AOAH: variants seen among roughly 807,000 people sequenced by gnomAD.
AOAH encodes acyloxyacyl hydrolase.
AOAH carries 64 observed loss-of-function variants against 92.2 expected under a neutral mutation model. The ratio of observed to expected loss-of-function variants is 0.69; its 90% CI spans 0.57 to 0.86. AOAH has a LOEUF of 0.86. Among genes scored for constraint, AOAH ranks in the 40% least tolerant of loss-of-function variants. The pLI, the probability that AOAH is intolerant of heterozygous loss-of-function variation, is 0.00. For missense variants in AOAH, 656 were observed against 694.6 expected (o/e 0.94, Z 0.62); for synonymous variants, 263 against 254.5 (o/e 1.03, Z -0.32).
intron 1 of AOAH, among the ~76,000 whole-genome samples, chr7:36,698,612 T>C (rs533905647): frequency 7.9e-5 from 12 of 152,120 alleles, no homozygotes; most frequent in Non-Finnish European, 1.6e-4. Context: ...GATTTTAATA[T>C]ATTATGTTTT....
chr7:36,596,042 G>A (rs761529503), intron 11 of AOAH, among the ~76,000 whole-genome samples: 12 of 152,244 alleles, frequency 7.9e-5, no homozygotes, highest in East Asian at 3.9e-4. Context: ...TAGAGGCTGC[G>A]AGGGAAAGAA....
intron 1 of AOAH, among the ~76,000 whole-genome samples, chr7:36,697,577 G>A (rs867476421): frequency 2.0e-5 from 3 of 152,158 alleles, no homozygotes; most frequent in African/African-American, 4.8e-5. Context: ...TCTATTTTAT[G>A]AAAGAAATTG....
intron 4 of AOAH, among the ~76,000 whole-genome samples, chr7:36,640,980 T>C (rs1793861650): frequency 6.6e-6 from 1 of 152,004 alleles, no homozygotes; most frequent in South Asian, 2.1e-4. Context: ...GGGGCACAGG[T>C]GCAAAGGACA....
chr7:36,610,159 C>CAAAAAAAAAAAAA (rs71553082), intron 11 of AOAH, among the ~76,000 whole-genome samples: 8 of 49,276 alleles, frequency 1.6e-4, no homozygotes, highest in African/African-American at 5.8e-4. Flanking sequence ...TCCATAATAG[C>CAAAAAAAAAAAAA]AAAAAAAAAA....
Position 36,681,622 on chromosome 7 carries a change from T to C in AOAH, c.223+5077A>G, listed in dbSNP as rs1043142928. Among the ~76,000 whole-genome samples, 28 of 152,192 alleles carry C rather than the reference T, an allele frequency of 1.8e-4. 1 individual carries two copies. Among genetic ancestry groups the C allele is most frequent in the African/African-American group, 5.8e-4 (24 of 41,510 alleles). ...GAGTTAAAGACCAGCCTGACCAACA[T>C]GGTGAAACCCCGTGTCTACTAAAAA... is the stretch of plus-strand genomic sequence containing the variant. On this transcript the variant is annotated intron_variant, in intron 2 of 20. Transcript: ENST00000617537.
chr7:36,620,997 T>A (rs982148176), intron 8 of AOAH, among the ~76,000 whole-genome samples, 168 bp from the exon 9 acceptor site: 6 of 152,332 alleles, frequency 3.9e-5, no homozygotes, highest in African/African-American at 1.2e-4. Flanking sequence ...TGTTGTGACA[T>A]CAGAAGCCTC....
At chr7:36,604,721 C>G (rs1246362484) in intron 11 of AOAH, among the ~76,000 whole-genome samples, 2 of 152,172 alleles carry the variant, frequency 1.3e-5, no homozygotes, top group Admixed American at 6.5e-5. Flanking sequence ...ACCTAACTTT[C>G]CCCCAGCCCT....
chr7:36,708,575 G>T (rs915836233), intron 1 of AOAH, among the ~76,000 whole-genome samples: 18 of 152,008 alleles, frequency 1.2e-4, no homozygotes, highest in Admixed American at 3.3e-4. Flanking sequence ...TTTTTCATAA[G>T]TATGGATCTC....
At chr7:36,559,853 T>A (rs1787127288) in intron 13 of AOAH, among the ~76,000 whole-genome samples, 1 of 152,246 alleles carries the variant, frequency 6.6e-6, no homozygotes, top group Non-Finnish European at 1.5e-5. Flanking sequence ...TCTTCTAGGA[T>A]TCTTATACTT....
intron 1 of AOAH, among the ~76,000 whole-genome samples, chr7:36,696,379 A>C (rs1370476846): frequency 6.6e-6 from 1 of 152,204 alleles, no homozygotes; most frequent in Non-Finnish European, 1.5e-5. Flanking sequence ...CAGCCATCTT[A>C]ACACTATTGA....
intron 1 of AOAH, among the ~76,000 whole-genome samples, chr7:36,688,942 T>G (rs1006385450): frequency 4.6e-5 from 7 of 152,168 alleles, no homozygotes; most frequent in Admixed American, 2.6e-4. Flanking sequence ...TATATATACA[T>G]ACACACACAT....
chr7:36,724,138 G>A lies in AOAH; in HGVS notation c.11C>T (p.Pro4Leu). The A allele has an allele frequency of 6.2e-7, 1 of 1,613,256 alleles. No homozygotes were observed. The highest frequency in any genetic ancestry group is 2.2e-5 in the East Asian group (1 of 44,816). ...AGGCGCCACCGTAAGGATTTTCCAG[G>A]GGGACTGCATCTCCGAGCTATGCAC... is the stretch of plus-strand genomic sequence containing the variant. MQS[P>L]WKILTVAPLF... The change falls in exon 1 of 21, where the codon CCC (proline) becomes CTC (leucine). Residue 4 changes from proline (P) to leucine (L), a missense_variant. Coordinates refer to ENST00000617537, the MANE Select transcript of AOAH (RefSeq NM_001637.4).
chr7:36,714,400 G>A lies in AOAH; in HGVS notation c.127+9622C>T, dbSNP rs540640317. Among the ~76,000 whole-genome samples, 53 of 152,224 alleles carry A rather than the reference G, an allele frequency of 3.5e-4. No homozygotes were observed. The South Asian group carries it at 4.0e-3, about 11-fold the overall frequency. On this transcript the variant is annotated intron_variant, in intron 1 of 20. Transcript: ENST00000617537. The stretch of plus-strand genomic sequence containing the variant: ...CACAGCCGAATTCTACCAGAGGTAC[G>A]AGGAGGAACTAGTACCATTCCTTCT...
At chr7:36,530,764 G>A in intron 18 of AOAH, 1 of 384,960 alleles carries the variant, frequency 2.6e-6, no homozygotes, top group Non-Finnish European at 4.7e-6. Context: ...TAACACCCTT[G>A]GGACTGGCAA....
At chr7:36,616,578 C>T (rs1473533860) in intron 10 of AOAH, 104 bp from the exon 11 acceptor site, 15 of 897,248 alleles carry the variant, frequency 1.7e-5, no homozygotes, top group African/African-American at 9.9e-5. Flanking sequence ...TTCCAGGCAC[C>T]GAGCATTTTC....
intron 2 of AOAH, among the ~76,000 whole-genome samples, chr7:36,681,745 G>A (rs1016678506): frequency 6.6e-6 from 1 of 152,222 alleles, no homozygotes; most frequent in Non-Finnish European, 1.5e-5. Flanking sequence ...AGGTTGCAGT[G>A]AGCCGAGATT....
At chr7:36,521,446 G>A (rs960782683) in intron 20 of AOAH, among the ~76,000 whole-genome samples, 2 of 152,230 alleles carry the variant, frequency 1.3e-5, no homozygotes, top group Non-Finnish European at 2.9e-5. Flanking sequence ...GTGGAGCCGG[G>A]AGGGGACAGA....
intron 12 of AOAH, among the ~76,000 whole-genome samples, chr7:36,582,123 C>A (rs1788972220): frequency 6.6e-6 from 1 of 152,162 alleles, no homozygotes; most frequent in South Asian, 2.1e-4. Flanking sequence ...CATGATGATT[C>A]TGGCCTCAAA....
In AOAH at chr7:36,614,038, G is replaced by GA. The variant is rs377546817; in HGVS notation, c.846+2341dup. 6.6e-6 allele frequency among the ~76,000 whole-genome samples: 1 copy of GA among 152,078 alleles called. No individual in the cohort carries two copies. The highest frequency in any genetic ancestry group is 1.9e-4 in the East Asian group (1 of 5,190). Reference sequence around the variant, plus strand: ...TTTAATCTAGGAAGAGGAGGTCAAGGAAAAAATGATAATTTCTGCGGGTTA... The same window carrying GA: ...TTTAATCTAGGAAGAGGAGGTCAAGGAAAAAAATGATAATTTCTGCGGGTTA... On this transcript the variant is annotated intron_variant, in intron 11 of 20. Transcript: ENST00000617537. This position sits in a 1 kb window ranked among gnomAD's most constrained non-coding sequence, Gnocchi z 4.2.
Sources: allele counts gnomAD v4.1 joint callset (sites outside exome capture counted in the v4.1 genomes callset), GRCh38; gene constraint gnomAD v4.1.1; non-coding constraint Gnocchi (gnomAD v3.1); transcripts MANE v1.5; gene names NCBI Gene and HGNC (gene_info 2026-07-23, HGNC 2026-07-21).